The following CRHR2 variants were observed in gnomAD, a reference collection of about 807,000 sequenced individuals.
The protein encoded by CRHR2 is corticotropin-releasing hormone receptor 2.
CRHR2 carries 53 observed loss-of-function variants against 57.9 expected under a neutral mutation model. That is an observed-to-expected ratio of 0.92 (90% confidence interval 0.73 to 1.15). CRHR2 has a LOEUF of 1.15. Among genes scored for constraint, CRHR2 ranks in the 50% most tolerant of loss-of-function variants. The probability of loss-of-function intolerance (pLI) is 0.00; values close to 1 mark genes in which losing one functional copy is unlikely to be tolerated. For synonymous variants in CRHR2, 213 were observed against 220.9 expected (o/e 0.96, Z 0.32); for missense variants, 532 against 542.6 (o/e 0.98, Z 0.19).
intron 1 of CRHR2, among the ~76,000 whole-genome samples, chr7:30,698,904 C>T (rs143579332): frequency 6.6e-6 from 1 of 152,220 alleles, no homozygotes; most frequent in African/African-American, 2.4e-5. Flanking sequence ...TTTGAGTAAC[C>T]TGTCCAAGGT....
At chr7:30,699,642 T>C (rs1373528127) in intron 1 of CRHR2, 1 of 224,414 alleles carries the variant, frequency 4.5e-6, no homozygotes, top group African/African-American at 2.3e-5. Flanking sequence ...CCTCTGCTTA[T>C]CCACAGGGGT....
At chr7:30,684,901 C>T (rs985474943), upstream of CRHR2, among the ~76,000 whole-genome samples, 4 of 152,194 alleles carry the variant, frequency 2.6e-5, no homozygotes, top group African/African-American at 9.7e-5. Flanking sequence ...CAAACAAAGA[C>T]AGGGGCATTT....
chr7:30,693,054 C>T (rs1370715522), intron 1 of CRHR2, among the ~76,000 whole-genome samples: 1 of 152,194 alleles, frequency 6.6e-6, no homozygotes, highest in African/African-American at 2.4e-5. Context: ...TCTCTTGCCA[C>T]AGAGGAACAG....
At chr7:30,686,412 C>T (rs935581130), upstream of CRHR2, 25 of 1,533,990 alleles carry the variant, frequency 1.6e-5, no homozygotes, top group East Asian at 2.4e-5. Flanking sequence ...CTGAGGAAAG[C>T]CCAGGTCCCT....
At chr7:30,662,613 TCCTTG>T (rs1784048070) in intron 6 of CRHR2, 76 bp downstream of exon 6, 1 of 1,534,444 alleles carries the variant, frequency 6.5e-7, no homozygotes, top group Non-Finnish European at 8.9e-7. Context: ...CAGGCTCTGG[TCCTTG>T]GACCCAAGAC....
At chr7:30,682,460 G>C, upstream of CRHR2, 1 of 1,337,378 alleles carries the variant, frequency 7.5e-7, no homozygotes. Flanking sequence ...GTCAAGTGGG[G>C]ACCTTCCCGG....
At chr7:30,674,360 G>A (rs997486479) in intron 2 of CRHR2, among the ~76,000 whole-genome samples, 1 of 152,130 alleles carries the variant, frequency 6.6e-6, no homozygotes, top group Non-Finnish European at 1.5e-5. Context: ...CACTCAGTGG[G>A]CTCGTCGCCA....
chr7:30,699,554 G>A (rs1251875986), intron 1 of CRHR2, among the ~76,000 whole-genome samples: 1 of 151,988 alleles, frequency 6.6e-6, no homozygotes, highest in Non-Finnish European at 1.5e-5. Flanking sequence ...ATGGGGGTGG[G>A]GAGAGAATGG....
At chr7:30,697,496 C>T (rs1442265125) in intron 1 of CRHR2, among the ~76,000 whole-genome samples, 2 of 152,182 alleles carry the variant, frequency 1.3e-5, no homozygotes, top group African/African-American at 4.8e-5. Flanking sequence ...AGATTACCAC[C>T]TGCCTCCGGA....
At chr7:30,667,879 T>G (rs1356030958) in intron 2 of CRHR2, among the ~76,000 whole-genome samples, 2 of 152,232 alleles carry the variant, frequency 1.3e-5, no homozygotes, top group East Asian at 3.8e-4. Context: ...ATAAAGAGAT[T>G]AAGCTACTGG....
At chr7:30,666,673 G>C (rs2128143051) in intron 3 of CRHR2, among the ~76,000 whole-genome samples, 1 of 152,390 alleles carries the variant, frequency 6.6e-6, no homozygotes, top group Middle Eastern at 3.4e-3. Context: ...AATGAGGAGG[G>C]GATGGAGCTG....
intron 1 of CRHR2, among the ~76,000 whole-genome samples, chr7:30,692,321 C>G (rs549721298): frequency 6.6e-5 from 10 of 152,162 alleles, no homozygotes; most frequent in Admixed American, 6.5e-4. Flanking sequence ...CCTGTGCCCC[C>G]CTTCCCCAGC....
At chr7:30,667,686 G>T (rs2240404) in intron 2 of CRHR2, among the ~76,000 whole-genome samples, 1 of 152,078 alleles carries the variant, frequency 6.6e-6, no homozygotes, top group Non-Finnish European at 1.5e-5. Context: ...TATTTATGAG[G>T]TCCATACTTC....
intron 1 of CRHR2, among the ~76,000 whole-genome samples, chr7:30,690,513 G>T (rs561774272): frequency 6.6e-6 from 1 of 152,214 alleles, no homozygotes; most frequent in South Asian, 2.1e-4. Context: ...AGAAGACACT[G>T]CTCCATCAGT....
At chr7:30,662,129 C>T (rs770032261) in intron 7 of CRHR2, 27 bp downstream of exon 7, 10 of 1,612,174 alleles carry the variant, frequency 6.2e-6, no homozygotes, top group African/African-American at 2.7e-5. Flanking sequence ...TTCCCCATGA[C>T]CCCCCATGGC....
intron 2 of CRHR2, chr7:30,688,868 A>T (rs1340096587): frequency 4.0e-6 from 2 of 496,900 alleles, no homozygotes; most frequent in Non-Finnish European, 7.9e-6. Flanking sequence ...ACCTTCTGCC[A>T]GTTTCCCTGG....
chr7:30,655,106 G>C lies in CRHR2; in HGVS notation c.1054-26C>G, dbSNP rs547334034. On this transcript the variant is annotated intron_variant, in intron 10 of 11. Transcript: ENST00000471646. ...CTGGAAAGGAGGGAAAGGAGGGAGT[G>C]GTCAGTGACCTACCTGCGGAGCTGT... 4.7e-5 allele frequency: 76 copies of C among 1,611,316 alleles called. 2 individuals carry two copies. The South Asian group carries it at 7.5e-4, about 16-fold the overall frequency.
chr7:30,669,176 C>T (rs1231736470), intron 2 of CRHR2, among the ~76,000 whole-genome samples: 1 of 152,194 alleles, frequency 6.6e-6, no homozygotes, highest in African/African-American at 2.4e-5. Flanking sequence ...AAAAATTTAT[C>T]TTCTATATGT....
intron 2 of CRHR2, among the ~76,000 whole-genome samples, chr7:30,674,872 A>C (rs562990286): frequency 2.0e-5 from 3 of 152,142 alleles, no homozygotes; most frequent in Non-Finnish European, 4.4e-5. Flanking sequence ...GCCCCAGGCC[A>C]CCTTCAACTC....
Sources: gnomAD v4.1 joint callset for allele counts (sites outside exome capture counted in the v4.1 genomes callset) on GRCh38, gnomAD v4.1.1 for gene constraint, MANE v1.5 for transcripts, NCBI Gene and HGNC (gene_info 2026-07-23, HGNC 2026-07-21) for gene names.